SMARCA2: variants seen among roughly 807,000 people sequenced by gnomAD.
SMARCA2 encodes the protein SWI/SNF-related matrix-associated actin-dependent regulator of chromatin subfamily A member 2.
Under a neutral mutation model 199.8 loss-of-function variants are expected in SMARCA2, and 61 were observed. The observed-to-expected ratio is 0.31, with a 90% CI of 0.25 to 0.38. The LOEUF is 0.38. SMARCA2 is among the 10% of genes least tolerant of loss of function. The probability of loss-of-function intolerance (pLI) is 1.00; values close to 1 mark genes in which losing one functional copy is unlikely to be tolerated. For synonymous variants in SMARCA2, 935 were observed against 732.0 expected, an observed-to-expected ratio of 1.28 and a Z score of -4.48; for missense variants, 1,344 against 2,012.2, an observed-to-expected ratio of 0.67 and a Z score of 6.35.
chr9:2,191,728 G>GCAT (rs1827900433), intron 33 of SMARCA2: 1 of 219,412 alleles, frequency 4.6e-6, no homozygotes, highest in African/African-American at 2.3e-5. Context: ...TATTTTACAT[G>GCAT]CATCACAGCC....
At chr9:2,097,676 T>C (rs1376927449) in intron 21 of SMARCA2, among the ~76,000 whole-genome samples, 2 of 152,182 alleles carry the variant, frequency 1.3e-5, no homozygotes, top group Non-Finnish European at 2.9e-5. Flanking sequence ...CACCAAGCAT[T>C]TGAGCATCTG....
intron 14 of SMARCA2, 101 bp from the exon 15 acceptor site, chr9:2,081,731 C>T (rs1821575221): frequency 2.0e-6 from 2 of 983,178 alleles, no homozygotes; most frequent in East Asian, 2.4e-5. Flanking sequence ...ACCCAACATA[C>T]AGCAGTGAGG....
chr9:2,187,925 C>G (rs1045343318), intron 32 of SMARCA2, among the ~76,000 whole-genome samples: 1 of 151,620 alleles, frequency 6.6e-6, no homozygotes, highest in Non-Finnish European at 1.5e-5. Context: ...AATCATGCCA[C>G]AAAACTGTGT....
At chr9:2,111,127 G>C (rs1237598967) in intron 24 of SMARCA2, among the ~76,000 whole-genome samples, 5 of 151,586 alleles carry the variant, frequency 3.3e-5, no homozygotes, top group Non-Finnish European at 5.9e-5. Context: ...TCTGCCTGTA[G>C]GATATTGGGT....
chr9:2,068,537 A>G (rs962290152), intron 9 of SMARCA2, among the ~76,000 whole-genome samples: 1 of 152,210 alleles, frequency 6.6e-6, no homozygotes, highest in Non-Finnish European at 1.5e-5. Context: ...CGTAAAAGCT[A>G]TTTTGTCAAA....
In SMARCA2 at chr9:2,161,719, G is replaced by C; in HGVS notation, c.4015G>C (p.Glu1339Gln). 1 of 1,614,016 alleles carries C rather than the reference G, an allele frequency of 6.2e-7. No individual in the cohort carries two copies. Among genetic ancestry groups the C allele is most frequent in the East Asian group, 2.2e-5 (1 of 44,876 alleles). Residue 1339 changes from glutamate to glutamine, a missense_variant, in exon 28 of 34, where the codon GAG becomes CAG. By Grantham distance (29) the Glu-to-Gln change is conservative (BLOSUM62 2). Coordinates refer to ENST00000349721, the MANE Select transcript of SMARCA2 (RefSeq NM_003070.5). This position sits in a 1 kb window ranked among gnomAD's most constrained non-coding sequence, Gnocchi z 4.7. ...AGACGGCAATTTGGAGGAAATGGAA[G>C]AGGAAGTACGGCTTAAGAAGCGAAA... Reference protein sequence around the residue: ...IEDGNLEEMEEEVRLKKRKRR... With the variant: ...IEDGNLEEMEQEVRLKKRKRR...
At chr9:2,076,445 G>C in intron 13 of SMARCA2, 116 bp downstream of exon 13, 1 of 705,710 alleles carries the variant, frequency 1.4e-6, no homozygotes, top group African/African-American at 1.8e-5. Flanking sequence ...CACTCTGCTT[G>C]AAACTGTGCT....
Position 2,119,566 on chromosome 9 carries a change from G to A in SMARCA2, c.3762+31G>A. On this transcript the variant is annotated intron_variant, in intron 26 of 33. Coordinates refer to ENST00000349721, the MANE Select transcript of SMARCA2 (RefSeq NM_003070.5). This position sits in a 1 kb window ranked among gnomAD's most constrained non-coding sequence, Gnocchi z 4.6. ...GTTACAGAAAATCATGAACACAAAT[G>A]CTTTATACCTCTGCCCCTTTTTCTG... 2.8e-6 allele frequency: 4 copies of A among 1,419,812 alleles called. No individual in the cohort carries two copies. The highest frequency in any genetic ancestry group is 4.0e-6 in the Non-Finnish European group (4 of 1,003,824). 88.0% of individuals were successfully genotyped at this position (1,419,812 alleles called of 1,614,324 possible).
intron 27 of SMARCA2, among the ~76,000 whole-genome samples, chr9:2,144,374 C>T (rs988820517): frequency 6.6e-5 from 10 of 152,092 alleles, no homozygotes; most frequent in Admixed American, 5.9e-4. Flanking sequence ...TTGTGTCCTT[C>T]GCTGGATGGG....
chr9:2,160,592 C>T, intron 27 of SMARCA2: 1 of 702,200 alleles, frequency 1.4e-6, no homozygotes, highest in Non-Finnish European at 2.6e-6. Flanking sequence ...TAAATATTAG[C>T]CATGTTTGGT....
chr9:2,160,389 C>T (rs1825604096), intron 27 of SMARCA2: 1 of 539,152 alleles, frequency 1.9e-6, no homozygotes, highest in South Asian at 2.6e-5. Context: ...TGGATTTGCA[C>T]ATTGGAGGAT....
chr9:2,155,758 T>TTC (rs1825328674), intron 27 of SMARCA2, among the ~76,000 whole-genome samples: 4 of 82,522 alleles, frequency 4.8e-5, no homozygotes, highest in Non-Finnish European at 9.7e-5. Context: ...TTTTTTTTTT[T>TTC]CAAAAGTGAT....
intron 9 of SMARCA2, among the ~76,000 whole-genome samples, chr9:2,068,754 A>T (rs978840308): frequency 6.6e-6 from 1 of 152,062 alleles, no homozygotes; most frequent in South Asian, 2.1e-4. Flanking sequence ...TACTATGCAG[A>T]AATAGTATAG....
At chr9:2,059,574 T>C (rs1309968356) in intron 8 of SMARCA2, among the ~76,000 whole-genome samples, 1 of 152,226 alleles carries the variant, frequency 6.6e-6, no homozygotes. Context: ...CACTAATGAT[T>C]AGGCATTTGC....
At chr9:2,186,513 T>TTTTGAGACAGGGTCTCACTC in intron 32 of SMARCA2, among the ~76,000 whole-genome samples, 1 of 152,162 alleles carries the variant, frequency 6.6e-6, no homozygotes. Flanking sequence ...ATTTATTTAT[T>TTTTGAGACAGGGTCTCACTC]TTTGAGACAG....
intron 9 of SMARCA2, among the ~76,000 whole-genome samples, chr9:2,069,419 C>T (rs180892160): frequency 4.0e-5 from 6 of 151,606 alleles, no homozygotes; most frequent in African/African-American, 9.7e-5. Flanking sequence ...ATTAGCCGGG[C>T]GTGGTGGCGG....
At chr9:2,049,360 C>T (rs1430018396) in intron 5 of SMARCA2, among the ~76,000 whole-genome samples, 1 of 152,146 alleles carries the variant, frequency 6.6e-6, no homozygotes, top group East Asian at 1.9e-4. Flanking sequence ...CCAAAGTGCA[C>T]AGTATTAAGT....
At chr9:2,185,962 A>T (rs558793544) in intron 31 of SMARCA2, 134 bp from the exon 32 acceptor site, 2 of 835,094 alleles carry the variant, frequency 2.4e-6, no homozygotes, top group Admixed American at 2.4e-5. Context: ...CTGGGTTTTC[A>T]TGTGGGCATA....
chr9:2,027,727 G>A (rs1164205277), intron 1 of SMARCA2: 2 of 152,166 alleles, frequency 1.3e-5, no homozygotes, highest in Non-Finnish European at 2.9e-5. Flanking sequence ...GCCCTGCTAT[G>A]GTGACTAGGC....
Sources: allele counts gnomAD v4.1 joint callset (sites outside exome capture counted in the v4.1 genomes callset), GRCh38; gene constraint gnomAD v4.1.1; non-coding constraint Gnocchi (gnomAD v3.1); transcripts MANE v1.5; gene names NCBI Gene and HGNC (gene_info 2026-07-23, HGNC 2026-07-21).